The following PARM1 variants were observed in gnomAD, a reference collection of about 807,000 sequenced individuals.
PARM1 encodes the protein prostate androgen-regulated mucin-like protein 1.
In PARM1, 14 loss-of-function variants were observed where a neutral mutation model predicts 24.6. That is an observed-to-expected ratio of 0.57 (90% CI 0.38 to 0.89). The LOEUF (loss-of-function observed/expected upper bound fraction) is 0.89. Among genes scored for constraint, PARM1 ranks in the 40% least tolerant of loss-of-function variants. The probability of loss-of-function intolerance (pLI) is 0.00; values close to 1 mark genes in which losing one functional copy is unlikely to be tolerated. For missense variants in PARM1, 362 were observed against 380.4 expected (o/e 0.95, Z 0.40); for synonymous variants, 179 against 156.6 (o/e 1.14, Z -1.07).
chr4:75,003,217 C>T (rs542135939), intron 1 of PARM1, among the ~76,000 whole-genome samples: 19 of 152,054 alleles, frequency 1.2e-4, no homozygotes, highest in East Asian at 9.7e-4. Context: ...CATTCGTTGG[C>T]GTCCTTGCTC....
intron 3 of PARM1, among the ~76,000 whole-genome samples, chr4:75,044,742 A>G (rs960698263): frequency 1.7e-4 from 24 of 144,898 alleles, no homozygotes; most frequent in Admixed American, 7.0e-4. Flanking sequence ...TGAGCAATTT[A>G]CAAAAGAAAG....
intron 2 of PARM1, among the ~76,000 whole-genome samples, chr4:75,020,061 T>C (rs531051401): frequency 1.3e-4 from 18 of 143,996 alleles, no homozygotes; most frequent in Admixed American, 3.5e-4. Flanking sequence ...GCGAAAAATG[T>C]ATATTGTAGT....
intron 1 of PARM1, among the ~76,000 whole-genome samples, chr4:74,939,537 T>C (rs1196736930): frequency 6.6e-6 from 1 of 151,814 alleles, no homozygotes; most frequent in Admixed American, 6.6e-5. Flanking sequence ...AAGAAAGTTA[T>C]GATTAAAACT....
intron 1 of PARM1, among the ~76,000 whole-genome samples, chr4:75,007,226 C>T (rs1722790392): frequency 2.6e-5 from 4 of 152,204 alleles, no homozygotes; most frequent in Admixed American, 2.0e-4. Context: ...CAGGAAACAA[C>T]AGGTGCTGGA....
intron 3 of PARM1, among the ~76,000 whole-genome samples, chr4:75,034,488 C>A (rs1469850408): frequency 6.6e-6 from 1 of 152,088 alleles, no homozygotes; most frequent in Admixed American, 6.5e-5. Flanking sequence ...GAGATTATGT[C>A]TTTATATTTT....
chr4:74,982,955 T>G (rs986922327), intron 1 of PARM1, among the ~76,000 whole-genome samples: 5 of 152,212 alleles, frequency 3.3e-5, no homozygotes, highest in African/African-American at 1.2e-4. Flanking sequence ...TACTTTTCTG[T>G]TAACACTGCA....
intron 1 of PARM1, among the ~76,000 whole-genome samples, chr4:74,996,970 C>CA (rs1222417388): frequency 6.6e-6 from 1 of 152,044 alleles, no homozygotes; most frequent in Non-Finnish European, 1.5e-5. Context: ...TCTGATTTTT[C>CA]AAAAAATAAT....
At chr4:75,042,295 G>T (rs913616157) in intron 3 of PARM1, among the ~76,000 whole-genome samples, 10 of 152,188 alleles carry the variant, frequency 6.6e-5, no homozygotes, top group African/African-American at 2.4e-4. Context: ...TCTAAGCGGA[G>T]CCAAGACACA....
intron 1 of PARM1, among the ~76,000 whole-genome samples, chr4:75,001,596 G>A (rs1202728249): frequency 6.6e-6 from 1 of 152,134 alleles, no homozygotes; most frequent in African/African-American, 2.4e-5. Flanking sequence ...ATTAAGACGT[G>A]TGCATTTTAC....
At chr4:74,991,502 G>A (rs1242810066) in intron 1 of PARM1, among the ~76,000 whole-genome samples, 1 of 151,348 alleles carries the variant, frequency 6.6e-6, no homozygotes. Context: ...CTGAGGCAGA[G>A]TACCAGAGAT....
chr4:74,978,207 T>C (rs1722174238), intron 1 of PARM1, among the ~76,000 whole-genome samples: 1 of 152,220 alleles, frequency 6.6e-6, no homozygotes. Context: ...ATCAGTGTGC[T>C]GTATTCAAGA....
chr4:75,020,689 C>T (rs79665243), intron 2 of PARM1, among the ~76,000 whole-genome samples: 2,916 of 152,256 alleles, frequency 0.019, 44 homozygotes, highest in Middle Eastern at 0.071. Flanking sequence ...CCAGTGTCAT[C>T]CCACAACCCT....
At chr4:74,956,152 G>T (rs1254366494) in intron 1 of PARM1, 2 of 152,190 alleles carry the variant, frequency 1.3e-5, no homozygotes, top group African/African-American at 4.8e-5. Flanking sequence ...CCATTATAGA[G>T]ATGACAAAAG....
chr4:75,022,429 A>T (rs1723104158), intron 2 of PARM1, among the ~76,000 whole-genome samples: 1 of 152,242 alleles, frequency 6.6e-6, no homozygotes, highest in Admixed American at 6.5e-5. Context: ...TGTTTCCAAA[A>T]TATCTTTTGA....
intron 1 of PARM1, among the ~76,000 whole-genome samples, chr4:74,986,582 G>T (rs1722359381): frequency 1.3e-5 from 2 of 152,124 alleles, no homozygotes; most frequent in Admixed American, 1.3e-4. Context: ...AGCAGAAGAG[G>T]TTGCTGAAAA....
intron 1 of PARM1, among the ~76,000 whole-genome samples, chr4:74,996,404 G>A (rs187180696): frequency 1.3e-3 from 200 of 152,296 alleles, no homozygotes; most frequent in African/African-American, 4.6e-3. Flanking sequence ...AAAGAAAAGC[G>A]AGGAACAAAT....
chr4:75,000,628 C>G (rs1335096240), intron 1 of PARM1, among the ~76,000 whole-genome samples: 5 of 152,140 alleles, frequency 3.3e-5, no homozygotes, highest in African/African-American at 1.2e-4. Flanking sequence ...TTTCAGATGT[C>G]TCATAGCGTA....
At chr4:75,045,877 G>C (rs1044559135) in intron 3 of PARM1, among the ~76,000 whole-genome samples, 1 of 152,090 alleles carries the variant, frequency 6.6e-6, no homozygotes, top group African/African-American at 2.4e-5. Flanking sequence ...TATGGAAATG[G>C]GGCCTCCTCT....
chr4:75,001,157 A>G lies in PARM1; in HGVS notation c.44-11268A>G, dbSNP rs558461225. On this transcript the variant is annotated intron_variant, in intron 1 of 3. Transcript: ENST00000307428. The stretch of plus-strand genomic sequence containing the variant: ...GAATATGGCATGTAATAAGCATTAG[A>G]AAAGAGTTACTAAGAAGCCATGAAG... Among the ~76,000 whole-genome samples the G allele has an allele frequency of 4.0e-4, 61 of 152,346 alleles. 1 individual carries two copies. The highest frequency in any genetic ancestry group is 3.4e-3 in the Middle Eastern group (1 of 294).
Sources: allele counts gnomAD v4.1 joint callset (sites outside exome capture counted in the v4.1 genomes callset), GRCh38; gene constraint gnomAD v4.1.1; transcripts MANE v1.5; gene names NCBI Gene and HGNC (gene_info 2026-07-23, HGNC 2026-07-21).